The following STOX2 variants were observed in gnomAD, a reference collection of about 807,000 sequenced individuals.
STOX2 encodes storkhead-box protein 2.
A neutral mutation model predicts 60.9 loss-of-function variants in STOX2; 28 were observed. The ratio of observed to expected loss-of-function variants is 0.46; its 90% CI spans 0.34 to 0.63. STOX2 has a LOEUF of 0.63. Among genes scored for constraint, STOX2 ranks in the 30% least tolerant of loss-of-function variants. The pLI is 0.01. For missense variants in STOX2, 1,024 were observed against 1,187.7 expected, an observed-to-expected ratio of 0.86 and a Z score of 2.03; for synonymous variants, 472 against 463.9, an observed-to-expected ratio of 1.02 and a Z score of -0.22.
intron 1 of STOX2, among the ~76,000 whole-genome samples, chr4:183,935,090 G>A (rs1358803311): frequency 6.6e-6 from 1 of 152,238 alleles, no homozygotes; most frequent in East Asian, 1.9e-4. Context: ...TTTTATTAAA[G>A]CCGGGGAAAC....
intron 1 of STOX2, among the ~76,000 whole-genome samples, chr4:183,935,600 G>T (rs1341559980): frequency 6.6e-6 from 1 of 152,222 alleles, no homozygotes; most frequent in African/African-American, 2.4e-5. Context: ...TTCTAGCCCT[G>T]TATCAAATGT....
At chr4:183,967,015 A>G (rs1236995801) in intron 1 of STOX2, among the ~76,000 whole-genome samples, 1 of 152,212 alleles carries the variant, frequency 6.6e-6, no homozygotes, top group Non-Finnish European at 1.5e-5. Context: ...CCCTTTGTAC[A>G]TATTGGCAGT....
At chr4:183,972,259 T>A (rs767564229) in intron 1 of STOX2, among the ~76,000 whole-genome samples, 11 of 152,220 alleles carry the variant, frequency 7.2e-5, no homozygotes, top group Admixed American at 7.2e-4. Flanking sequence ...CCCTCTGTCC[T>A]TCTGCCACTT....
intron 1 of STOX2, among the ~76,000 whole-genome samples, chr4:183,928,641 C>T (rs76308187): frequency 0.048 from 7,306 of 152,032 alleles, 241 homozygotes; most frequent in Non-Finnish European, 0.072. Context: ...GTGAGCCGGC[C>T]GAGCCTGGCA....
intron 1 of STOX2, among the ~76,000 whole-genome samples, chr4:183,920,909 A>G (rs1396590588): frequency 6.6e-6 from 1 of 152,222 alleles, no homozygotes; most frequent in Non-Finnish European, 1.5e-5. Flanking sequence ...GTGCAAAGGT[A>G]CCTGACAACA....
At chr4:183,799,611 A>G (rs957751433) in intron 1 of STOX2, among the ~76,000 whole-genome samples, 28 of 152,182 alleles carry the variant, frequency 1.8e-4, no homozygotes, top group African/African-American at 6.8e-4. Flanking sequence ...TCCAAAAAGT[A>G]TCAATGGCAT....
intron 1 of STOX2, among the ~76,000 whole-genome samples, chr4:183,876,530 A>G (rs2111168584): frequency 6.6e-6 from 1 of 152,324 alleles, no homozygotes; most frequent in South Asian, 2.1e-4. Flanking sequence ...TTTAAAAGTG[A>G]AAGTAGTTAG....
At chr4:183,994,367 A>T (rs1326254240) in intron 1 of STOX2, among the ~76,000 whole-genome samples, 1 of 152,256 alleles carries the variant, frequency 6.6e-6, no homozygotes, top group East Asian at 1.9e-4. Context: ...CTGAGGAACA[A>T]AGCTGAGCAA....
chr4:183,886,823 C>A (rs1380291619), intron 1 of STOX2, among the ~76,000 whole-genome samples: 4 of 152,198 alleles, frequency 2.6e-5, no homozygotes, highest in South Asian at 2.1e-4. Context: ...ACTCTGCCAT[C>A]TTTTTTCTCA....
intron 2 of STOX2, among the ~76,000 whole-genome samples, chr4:184,002,546 G>C (rs1348846315): frequency 6.6e-6 from 1 of 152,206 alleles, no homozygotes; most frequent in East Asian, 1.9e-4. Context: ...GGCCCAGCAG[G>C]GTAGTTCTGC....
At position 183,949,473 on chromosome 4, in the gene STOX2, G is replaced by A. The variant is rs376922548; in HGVS notation, c.166+42517G>A. 7.4e-4 allele frequency among the ~76,000 whole-genome samples: 113 copies of A among 152,286 alleles called. 5 individuals are homozygous for A. The South Asian group carries it at 0.023, about 30-fold the overall frequency. On this transcript the variant is annotated intron_variant, in intron 1 of 3. Coordinates refer to ENST00000308497, the MANE Select transcript of STOX2 (RefSeq NM_020225.3). ...CCAGCACTTAGGGAGGCCGAGGTGG[G>A]CGGATTACAAGGTCAGGAGTTCGAG...
intron 1 of STOX2, among the ~76,000 whole-genome samples, chr4:183,935,402 C>G (rs569499805): frequency 6.6e-6 from 1 of 152,296 alleles, no homozygotes; most frequent in South Asian, 2.1e-4. Context: ...TTCCCTTAGG[C>G]CTGGAATGCA....
rs575727906 is a variant in STOX2 at position 183,828,366 on chromosome 4, A to G, written c.364+30311A>G. 5.9e-5 allele frequency among the ~76,000 whole-genome samples: 9 copies of G among 152,294 alleles called. No individual in the cohort carries two copies. The East Asian group carries it at 1.2e-3, about 20-fold the overall frequency. Reference sequence around the variant, plus strand: ...TGGGAGGAAGAAACAGCCCCAGGAAAAGAGGATGGGTGTGGCTCGGGGGAT... The same window carrying G: ...TGGGAGGAAGAAACAGCCCCAGGAAGAGAGGATGGGTGTGGCTCGGGGGAT... On this transcript the variant is annotated intron_variant, in intron 1 of 2. Coordinates refer to the STOX2 transcript ENST00000513034.
At chr4:184,008,643 C>G (rs1733985398) in intron 2 of STOX2, among the ~76,000 whole-genome samples, 1 of 152,164 alleles carries the variant, frequency 6.6e-6, no homozygotes, top group Non-Finnish European at 1.5e-5. Flanking sequence ...ATATCATTCA[C>G]AAAATTAAGT....
intron 1 of STOX2, among the ~76,000 whole-genome samples, chr4:183,803,986 T>C (rs1199729677): frequency 1.3e-5 from 2 of 151,922 alleles, no homozygotes; most frequent in African/African-American, 2.4e-5. Context: ...AAGAAAAGAA[T>C]TAAAGAAATA....
intron 1 of STOX2, among the ~76,000 whole-genome samples, chr4:183,983,240 G>A (rs1208785198): frequency 6.6e-6 from 1 of 152,188 alleles, no homozygotes; most frequent in Non-Finnish European, 1.5e-5. Context: ...GCACCTCTCA[G>A]TTCCCTCCAT....
At chr4:184,016,806 T>C (rs1415747679) in intron 3 of STOX2, among the ~76,000 whole-genome samples, 1 of 152,192 alleles carries the variant, frequency 6.6e-6, no homozygotes, top group African/African-American at 2.4e-5. Flanking sequence ...TTGAAGTCGT[T>C]TCGTTGAGTG....
chr4:183,949,190 G>A (rs1265210657), intron 1 of STOX2, among the ~76,000 whole-genome samples: 1 of 152,084 alleles, frequency 6.6e-6, no homozygotes, highest in East Asian at 1.9e-4. Flanking sequence ...AAATGAAGAG[G>A]AAGAAACAAT....
At chr4:183,915,738 G>A (rs544453024) in intron 1 of STOX2, among the ~76,000 whole-genome samples, 2 of 152,312 alleles carry the variant, frequency 1.3e-5, no homozygotes, top group East Asian at 3.9e-4. Context: ...GTTTACAAAC[G>A]AGGGAAGGCC....
Sources: gnomAD v4.1 joint callset for allele counts (sites outside exome capture counted in the v4.1 genomes callset) on GRCh38, gnomAD v4.1.1 for gene constraint, MANE v1.5 for transcripts, NCBI Gene and HGNC (gene_info 2026-07-23, HGNC 2026-07-21) for gene names.